CSMD2: variants seen among roughly 807,000 people sequenced by gnomAD.
CSMD2 encodes the protein CUB and sushi domain-containing protein 2.
A neutral mutation model predicts 398.5 loss-of-function variants in CSMD2; 130 were observed. The ratio of observed to expected loss-of-function variants is 0.33; its 90% CI spans 0.28 to 0.38. The LOEUF (loss-of-function observed/expected upper bound fraction) is 0.38, where lower values mean the gene tolerates loss of function less well. CSMD2 is among the 10% of genes least tolerant of loss of function. CSMD2 has a pLI of 1.00. For synonymous variants in CSMD2, 1,828 were observed against 1,908.5 expected (o/e 0.96, Z 1.10); for missense variants, 3,829 against 4,764.9 (o/e 0.80, Z 5.78).
intron 53 of CSMD2, among the ~76,000 whole-genome samples, chr1:33,561,864 C>T (rs1254782571): frequency 1.3e-5 from 2 of 152,154 alleles, no homozygotes; most frequent in African/African-American, 4.8e-5. Context: ...GTGTTTGCAG[C>T]CAGCTCGGGA....
intron 3 of CSMD2, among the ~76,000 whole-genome samples, chr1:33,970,286 C>G (rs1287452228): frequency 1.3e-5 from 2 of 152,156 alleles, no homozygotes; most frequent in Non-Finnish European, 2.9e-5. Flanking sequence ...CACCAGACCT[C>G]TAGGCAATAG....
intron 3 of CSMD2, among the ~76,000 whole-genome samples, chr1:33,966,642 A>T (rs1343874070): frequency 6.6e-6 from 1 of 152,222 alleles, no homozygotes; most frequent in Non-Finnish European, 1.5e-5. Context: ...AATGGTTTTT[A>T]GCAAGAAAAT....
rs1347288593 is a variant in CSMD2, at chr1:33,918,305, T to A, written c.713-4A>T. On this transcript the variant is annotated splice_polypyrimidine_tract_variant and splice_region_variant and intron_variant, in intron 4 of 70. Coordinates refer to ENST00000373381, the MANE Select transcript of CSMD2 (RefSeq NM_001281956.2). Reference sequence around the variant, plus strand: ...GTCCCACCACAGGCATCATCAGCTGTGGGCACAGAGAGAAGAGGCTTACAT... The same window carrying A: ...GTCCCACCACAGGCATCATCAGCTGAGGGCACAGAGAGAAGAGGCTTACAT... 2.5e-6 allele frequency: 4 copies of A among 1,613,498 alleles called. No individual in the cohort carries two copies. The highest frequency in any genetic ancestry group is 3.4e-6 in the Non-Finnish European group (4 of 1,179,844).
chr1:34,082,464 C>A (rs1380433360), intron 2 of CSMD2, among the ~76,000 whole-genome samples: 1 of 151,944 alleles, frequency 6.6e-6, no homozygotes, highest in African/African-American at 2.4e-5. Context: ...TGAGGGGCGC[C>A]CACGCCCGGC....
rs142432455 is a variant in CSMD2 at position 33,783,620 on chromosome 1, C to T, written c.1663+4980G>A. Among the ~76,000 whole-genome samples the T allele has an allele frequency of 3.7e-3, 566 of 152,184 alleles. 4 individuals carry two copies. The highest frequency in any genetic ancestry group is 0.012 in the African/African-American group (510 of 41,532). On this transcript the variant is annotated intron_variant, in intron 12 of 70. Coordinates refer to ENST00000373381, the MANE Select transcript of CSMD2 (RefSeq NM_001281956.2). ...TCCAGCCTCTAGAACTGGGAGAAAA[C>T]GGGGTGCTGTTCTGCCTTCTCTAGA...
chr1:33,767,746 T>C (rs1474825775), intron 13 of CSMD2, among the ~76,000 whole-genome samples: 1 of 152,250 alleles, frequency 6.6e-6, no homozygotes, highest in Non-Finnish European at 1.5e-5. Flanking sequence ...CAAATCTACC[T>C]TTCTTGGATT....
chr1:33,646,353 T>C (rs1460844346), intron 29 of CSMD2, among the ~76,000 whole-genome samples: 1 of 152,136 alleles, frequency 6.6e-6, no homozygotes, highest in African/African-American at 2.4e-5. Context: ...GAGGTTGAAA[T>C]AGAGTTAGGA....
chr1:33,617,044 T>C, intron 38 of CSMD2, 69 bp from the exon 39 acceptor site: 1 of 1,236,712 alleles, frequency 8.1e-7, no homozygotes, highest in African/African-American at 1.5e-5. Context: ...AACCAGGGGC[T>C]GTACAGGGGT....
chr1:33,614,700 T>C, intron 39 of CSMD2, 80 bp from the exon 40 acceptor site: 1 of 759,620 alleles, frequency 1.3e-6, no homozygotes. Flanking sequence ...GAAGCTCCCT[T>C]CAAGCAGCAG....
chr1:33,636,453 C>T lies in CSMD2; in HGVS notation c.4876G>A (p.Gly1626Arg), dbSNP rs752801851. 63 of 1,614,040 alleles carry T rather than the reference C, an allele frequency of 3.9e-5. No individual in the cohort carries two copies. Among genetic ancestry groups the T allele is most frequent in the African/African-American group, 6.7e-5 (5 of 74,926 alleles). ...LGSSVTYYCH[G>R]GYEVEGTSTL... is the part of the protein sequence containing the mutation. ...GAGGTGCCCTCAACTTCGTAGCCCCCGTGGCAGTAGTAGGTGACGGAGGAG... is the reference window on the plus strand; with the variant it reads ...GAGGTGCCCTCAACTTCGTAGCCCCTGTGGCAGTAGTAGGTGACGGAGGAG... The change falls in exon 30 of 71, where the codon GGG becomes AGG. Residue 1626 changes from glycine to arginine, a missense_variant. Gly to Arg is a moderately radical substitution (Grantham distance 125). Transcript: ENST00000373381. This position sits in a 1 kb window ranked among gnomAD's most constrained non-coding sequence, Gnocchi z 4.8.
intron 13 of CSMD2, among the ~76,000 whole-genome samples, chr1:33,752,809 G>A (rs1480487428): frequency 6.6e-6 from 1 of 152,188 alleles, no homozygotes; most frequent in African/African-American, 2.4e-5. Flanking sequence ...GGTCTTAGAT[G>A]GAAATGAGGA....
At chr1:33,538,792 T>G (rs1656047103) in intron 60 of CSMD2, among the ~76,000 whole-genome samples, 1 of 152,200 alleles carries the variant, frequency 6.6e-6, no homozygotes, top group Non-Finnish European at 1.5e-5. Flanking sequence ...TTAAAAATAC[T>G]GGCACAATCC....
At chr1:33,885,943 G>T (rs924860054) in intron 5 of CSMD2, among the ~76,000 whole-genome samples, 3 of 152,056 alleles carry the variant, frequency 2.0e-5, no homozygotes, top group Non-Finnish European at 4.4e-5. Flanking sequence ...TGTCAAAGGG[G>T]AATGAAAATA....
rs1454873775 is a variant in CSMD2, at chr1:33,516,180, C to G, written c.*444G>C. The G allele has an allele frequency of 6.6e-6, 1 of 152,242 alleles. No homozygotes were observed. Among genetic ancestry groups the G allele is most frequent in the Non-Finnish European group, 1.5e-5 (1 of 68,110 alleles). The allele number at this position is 152,242 out of a possible 1,614,324, so 9.4% of individuals were successfully genotyped here. ...TTTTGAAAGCTGACCGTACCTCCCC[C>G]TCTTCATCTCTTCTCTGTGTGGGGA... is the stretch of plus-strand genomic sequence containing the variant. On this transcript the variant is annotated 3_prime_UTR_variant, in exon 71 of 71. Coordinates refer to ENST00000373381, the MANE Select transcript of CSMD2 (RefSeq NM_001281956.2).
At chr1:34,006,101 T>C (rs1365835399) in intron 3 of CSMD2, among the ~76,000 whole-genome samples, 1 of 152,152 alleles carries the variant, frequency 6.6e-6, no homozygotes, top group Admixed American at 6.5e-5. Context: ...ACCATATCCT[T>C]CTATCAGTAT....
At chr1:34,067,119 C>G (rs1432360909) in intron 2 of CSMD2, among the ~76,000 whole-genome samples, 1 of 152,132 alleles carries the variant, frequency 6.6e-6, no homozygotes, top group Non-Finnish European at 1.5e-5. Flanking sequence ...GGATGGACTC[C>G]AGATACAAGC....
At chr1:33,683,271 T>A (rs1557725428) in intron 25 of CSMD2, among the ~76,000 whole-genome samples, 1 of 152,242 alleles carries the variant, frequency 6.6e-6, no homozygotes, top group Non-Finnish European at 1.5e-5. Flanking sequence ...TTTCTTATAT[T>A]TAAATGAGAT....
chr1:33,896,664 C>T (rs948090008), intron 5 of CSMD2, among the ~76,000 whole-genome samples: 4 of 152,060 alleles, frequency 2.6e-5, no homozygotes, highest in Admixed American at 2.0e-4. Context: ...TTCCAGGCTC[C>T]CTATGAGCTA....
At chr1:33,632,719 C>G (rs1642537980) in intron 32 of CSMD2, among the ~76,000 whole-genome samples, 1 of 152,110 alleles carries the variant, frequency 6.6e-6, no homozygotes, top group Non-Finnish European at 1.5e-5. Flanking sequence ...CTCACATATC[C>G]TTTAACTTGA....
Sources: gnomAD v4.1 joint callset for allele counts (sites outside exome capture counted in the v4.1 genomes callset) on GRCh38, gnomAD v4.1.1 for gene constraint, Gnocchi (gnomAD v3.1) non-coding constraint, MANE v1.5 for transcripts, NCBI Gene and HGNC (gene_info 2026-07-23, HGNC 2026-07-21) for gene names.